PLXNB2: variants seen among roughly 807,000 people sequenced by gnomAD.
PLXNB2 encodes plexin B2.
In PLXNB2, 85 loss-of-function variants were observed where a neutral mutation model predicts 202.6. That is an observed-to-expected ratio of 0.42 (90% CI 0.35 to 0.50). The LOEUF (loss-of-function observed/expected upper bound fraction) is 0.50, where lower values mean the gene tolerates loss of function less well. PLXNB2 is among the 20% of genes least tolerant of loss of function. The pLI, the probability that PLXNB2 is intolerant of heterozygous loss-of-function variation, is 0.02. For synonymous variants in PLXNB2, 1,239 were observed against 1,137.6 expected, an observed-to-expected ratio of 1.09 and a Z score of -1.79; for missense variants, 2,063 against 2,586.2, an observed-to-expected ratio of 0.80 and a Z score of 4.39.
At chr22:50,301,975 C>A (rs574975037) in intron 1 of PLXNB2, among the ~76,000 whole-genome samples, 1 of 152,380 alleles carries the variant, frequency 6.6e-6, no homozygotes, top group South Asian at 2.1e-4. Context: ...CTCACCCCAA[C>A]ACCCAGAACT....
At chr22:50,280,202 G>C (rs935554567) in intron 25 of PLXNB2, 131 bp from the exon 26 acceptor site, 50 of 714,818 alleles carry the variant, frequency 7.0e-5, no homozygotes, top group Admixed American at 2.1e-4. Context: ...CTGCAGCGAG[G>C]ACTACCTGGT....
At position 50,287,701 on chromosome 22, in the gene PLXNB2, T is replaced by G; in HGVS notation, c.1574A>C (p.Gln525Pro). The change falls in exon 7 of 37, where the codon CAG (glutamine) becomes CCG (proline). Residue 525 changes from glutamine to proline, a missense_variant. By Grantham distance (76) the Gln-to-Pro change is moderately conservative (BLOSUM62 -1). This residue lies in a region of PLXNB2 where 1,303 missense variants were observed against 1,476.8 expected (regional missense o/e 0.88). Coordinates refer to ENST00000359337, the MANE Select transcript of PLXNB2 (RefSeq NM_012401.4). Reference protein sequence around the residue: ...SKSCVAVTSAQPQNMSRRAQG... With the variant: ...SKSCVAVTSAPPQNMSRRAQG... Reference sequence around the variant, plus strand: ...GGCCCGCCGGCTCATGTTCTGTGGCTGGGCGCTGGTGACGGCCACGCAGGA... The same window carrying G: ...GGCCCGCCGGCTCATGTTCTGTGGCGGGGCGCTGGTGACGGCCACGCAGGA... 1 of 1,558,180 alleles carries G rather than the reference T, an allele frequency of 6.4e-7. No homozygotes were observed. Among genetic ancestry groups the G allele is most frequent in the Non-Finnish European group, 8.6e-7 (1 of 1,156,396 alleles).
At chr22:50,277,427 C>T (rs1029038497) in intron 33 of PLXNB2, among the ~76,000 whole-genome samples, 164 bp downstream of exon 33, 1 of 152,188 alleles carries the variant, frequency 6.6e-6, no homozygotes, top group South Asian at 2.1e-4. Context: ...CCAGGCTCTG[C>T]CGGGCCCCTG....
intron 1 of PLXNB2, chr22:50,301,420 C>T (rs537378038): frequency 8.1e-6 from 6 of 737,556 alleles, no homozygotes; most frequent in South Asian, 6.1e-5. Context: ...CACACGAGGC[C>T]GATGGCTACA....
In PLXNB2 at chr22:50,289,478, T is replaced by G. The variant is rs776836492; in HGVS notation, c.1068+39A>C. 2.6e-6 allele frequency: 4 copies of G among 1,546,990 alleles called. No individual in the cohort carries two copies. The South Asian group carries it at 4.7e-5, about 18-fold the overall frequency. ...ACACGCAAACCCACGAACGGACGCC[T>G]GCAGTCCGGGCCCTGCGAGAACACA... On this transcript the variant is annotated intron_variant, in intron 3 of 36. Transcript: ENST00000359337. This position sits in a 1 kb window ranked among gnomAD's most constrained non-coding sequence, Gnocchi z 8.0.
chr22:50,290,106 G>C lies in PLXNB2; in HGVS notation c.479C>G (p.Thr160Arg). The change falls in exon 3 of 37, where the codon ACG becomes AGG. Residue 160 changes from threonine to arginine, a missense_variant. Coordinates refer to ENST00000359337, the MANE Select transcript of PLXNB2 (RefSeq NM_012401.4). Reference sequence around the variant, plus strand: ...CAGCACGCGGTCACCACCAGGACCCGTGGAGCTCACCAGCCCCACTGTGGC... The same window carrying C: ...CAGCACGCGGTCACCACCAGGACCCCTGGAGCTCACCAGCCCCACTGTGGC... ...GVATVGLVSS[T>R]GPGGDRVLFV... 1 of 1,613,104 alleles carries C rather than the reference G, an allele frequency of 6.2e-7. No individual in the cohort carries two copies.
At chr22:50,279,072 G>GTA in intron 27 of PLXNB2, 61 bp from the exon 28 acceptor site, 2 of 1,500,450 alleles carry the variant, frequency 1.3e-6, no homozygotes, top group Non-Finnish European at 1.8e-6. Flanking sequence ...CACCATGCAG[G>GTA]AGCCACTCCC....
chr22:50,306,219 C>T (rs567374511), intron 1 of PLXNB2, among the ~76,000 whole-genome samples: 2 of 152,336 alleles, frequency 1.3e-5, no homozygotes, highest in South Asian at 4.1e-4. Flanking sequence ...CCTGGCCAGA[C>T]CTCAGGCCTC....
At chr22:50,286,343 G>T in intron 8 of PLXNB2, 56 bp from the exon 9 acceptor site, 2 of 1,305,542 alleles carry the variant, frequency 1.5e-6, no homozygotes, top group Non-Finnish European at 2.2e-6. Context: ...CGAGGGCCAG[G>T]CTGGGCCTCC....
In PLXNB2 at chr22:50,275,116, G is replaced by C. The variant is rs1423280432; in HGVS notation, c.*588C>G. On this transcript the variant is annotated 3_prime_UTR_variant, in exon 37 of 37. Transcript: ENST00000359337. ...GCCTGTCTGACAGACCAGGACCCCA[G>C]GATGTCTGGGCCCCGACGTAGGACT... 3.8e-6 allele frequency: 1 copy of C among 261,736 alleles called. No individual in the cohort carries two copies. The allele number at this position is 261,736 out of a possible 1,614,324, so 16.2% of individuals were successfully genotyped here.
intron 34 of PLXNB2, 35 bp from the exon 35 acceptor site, chr22:50,276,739 C>T: frequency 6.2e-7 from 1 of 1,601,068 alleles, no homozygotes; most frequent in Non-Finnish European, 8.6e-7. Context: ...GTGTGGGCGG[C>T]AGGGACCACA....
chr22:50,294,259 G>A (rs1358271525), intron 2 of PLXNB2, among the ~76,000 whole-genome samples: 4 of 152,264 alleles, frequency 2.6e-5, no homozygotes, highest in South Asian at 2.1e-4. Flanking sequence ...CTGAAGCTCG[G>A]AGGGGCACTT....
chr22:50,298,562 C>T (rs1015485029), intron 1 of PLXNB2, among the ~76,000 whole-genome samples: 1 of 152,256 alleles, frequency 6.6e-6, no homozygotes, highest in Non-Finnish European at 1.5e-5. Flanking sequence ...CGCCCCAAGT[C>T]TTGGCTGCAC....
intron 7 of PLXNB2, 102 bp downstream of exon 7, chr22:50,287,565 T>C (rs2147493398): frequency 8.5e-7 from 1 of 1,172,522 alleles, no homozygotes; most frequent in African/African-American, 1.5e-5. Flanking sequence ...GCGGGGGAGA[T>C]GTGGAGCCCT....
At chr22:50,303,382 G>C (rs1296379859) in intron 1 of PLXNB2, among the ~76,000 whole-genome samples, 2 of 152,236 alleles carry the variant, frequency 1.3e-5, no homozygotes, top group African/African-American at 4.8e-5. Context: ...GGAAGGAGCA[G>C]ACAGTGCCCC....
intron 31 of PLXNB2, 43 bp downstream of exon 31, chr22:50,278,074 A>G: frequency 6.2e-7 from 1 of 1,603,492 alleles, no homozygotes; most frequent in Non-Finnish European, 8.5e-7. Context: ...GGAGGGTCTC[A>G]GCGTGGCGGC....
In PLXNB2 at chr22:50,296,590, CAAAAAAA is replaced by C. The variant is rs34197202; in HGVS notation, c.-73-1819_-73-1813del. On this transcript the variant is annotated intron_variant, in intron 1 of 36. Transcript: ENST00000359337. ...CTGGGGAAAGAGCAAGACTCTGTCT[CAAAAAAA>C]AAAAAAAAAAAAAAAAGGAAAAGAA... Among the ~76,000 whole-genome samples, 40 of 56,460 alleles carry C rather than the reference CAAAAAAA, an allele frequency of 7.1e-4. 1 individual carries two copies. The highest frequency in any genetic ancestry group is 3.1e-3 in the Admixed American group (14 of 4,542). 37.0% of individuals were successfully genotyped at this position (56,460 alleles called of 152,430 possible).
At chr22:50,279,981 CA>C (rs1257669974) in intron 26 of PLXNB2, 23 bp downstream of exon 26, 1 of 1,580,210 alleles carries the variant, frequency 6.3e-7, no homozygotes, top group Non-Finnish European at 8.6e-7. Context: ...CCTCAAGCCC[CA>C]GCCAGGCTGG....
intron 1 of PLXNB2, among the ~76,000 whole-genome samples, chr22:50,303,000 G>C (rs1374313238): frequency 6.6e-6 from 1 of 152,036 alleles, no homozygotes; most frequent in South Asian, 2.1e-4. Flanking sequence ...TCCATGGCTG[G>C]GTCCCTGAAA....
Sources: allele counts gnomAD v4.1 joint callset (sites outside exome capture counted in the v4.1 genomes callset), GRCh38; gene constraint gnomAD v4.1.1; regional missense constraint gnomAD v4.1.1; non-coding constraint Gnocchi (gnomAD v3.1); transcripts MANE v1.5; gene names NCBI Gene and HGNC (gene_info 2026-07-23, HGNC 2026-07-21).